SMC1B: variants seen among roughly 807,000 people sequenced by gnomAD.
SMC1B encodes structural maintenance of chromosomes protein 1B.
In SMC1B, 60 loss-of-function variants were observed where a neutral mutation model predicts 157.9. That is an observed-to-expected ratio of 0.38 (90% CI 0.31 to 0.47). The LOEUF (loss-of-function observed/expected upper bound fraction) is 0.47, where lower values mean the gene tolerates loss of function less well. Among genes scored for constraint, SMC1B ranks in the 20% least tolerant of loss-of-function variants. SMC1B has a pLI of 0.99. For synonymous variants in SMC1B, 445 were observed against 483.0 expected (o/e 0.92, Z 1.03); for missense variants, 1,165 against 1,426.2 (o/e 0.82, Z 2.95).
At chr22:45,376,228 C>G (rs2086882302) in intron 12 of SMC1B, among the ~76,000 whole-genome samples, 1 of 152,174 alleles carries the variant, frequency 6.6e-6, no homozygotes, top group East Asian at 1.9e-4. Flanking sequence ...CTCATTCTCT[C>G]CCCTTCTACA....
Position 45,399,192 on chromosome 22 carries a change from T to C in SMC1B, c.1016A>G (p.Glu339Gly), listed in dbSNP as rs749902282. The change falls in exon 6 of 25, where the codon GAG becomes GGG. Residue 339 changes from glutamate to glycine, a missense_variant. Physicochemically the swap from Glu to Gly is moderately conservative, Grantham distance 98. Coordinates refer to ENST00000357450, the MANE Select transcript of SMC1B (RefSeq NM_148674.5). ...QEDDIKALET[E>G]LADLDAAWRS... ...CCATGCAGCATCTAAATCAGCCAGC[T>C]CTGTCTCCAGGGCTTTTATATCATC... is the stretch of plus-strand genomic sequence containing the variant. The C allele has an allele frequency of 1.9e-6, 3 of 1,614,010 alleles. No individual in the cohort carries two copies. The highest frequency in any genetic ancestry group is 2.2e-5 in the South Asian group (2 of 91,076).
rs182518186 is a variant in SMC1B, at chr22:45,390,455, C to T, written c.1546-558G>A. 3.0e-3 allele frequency among the ~76,000 whole-genome samples: 457 copies of T among 151,830 alleles called. 2 individuals are homozygous for T. The highest frequency in any genetic ancestry group is 4.9e-3 in the Non-Finnish European group (334 of 67,932). On this transcript the variant is annotated intron_variant, in intron 9 of 24. Coordinates refer to ENST00000357450, the MANE Select transcript of SMC1B (RefSeq NM_148674.5). ...GGGCGTGGTGGCTCACGCCTGTAAT[C>T]CCAGCATTTTGGGAGGCCGAGGCGG...
At chr22:45,404,643 T>C (rs1417435973) in intron 4 of SMC1B, among the ~76,000 whole-genome samples, 1 of 152,260 alleles carries the variant, frequency 6.6e-6, no homozygotes, top group Non-Finnish European at 1.5e-5. Context: ...TAGCTAAAAC[T>C]CTTTCAATCA....
chr22:45,375,282 C>T (rs967975259), intron 12 of SMC1B, among the ~76,000 whole-genome samples: 2 of 152,158 alleles, frequency 1.3e-5, no homozygotes, highest in Non-Finnish European at 2.9e-5. Flanking sequence ...GTTGTCTTGC[C>T]TTTTCCAGAG....
intron 5 of SMC1B, among the ~76,000 whole-genome samples, chr22:45,399,746 T>C (rs1360380048): frequency 6.6e-6 from 1 of 152,016 alleles, no homozygotes; most frequent in Non-Finnish European, 1.5e-5. Context: ...ACTGAAGGGG[T>C]GGAAGGAAAA....
At chr22:45,384,556 C>T (rs1419470982) in intron 11 of SMC1B, among the ~76,000 whole-genome samples, 2 of 151,860 alleles carry the variant, frequency 1.3e-5, no homozygotes, top group African/African-American at 2.4e-5. Flanking sequence ...CTCATCTCTA[C>T]TGAAAATAAA....
Position 45,344,642 on chromosome 22 carries a change from A to C in SMC1B, c.3622T>G (p.Phe1208Val). 1.2e-6 allele frequency: 2 copies of C among 1,613,692 alleles called. No homozygotes were observed. The highest frequency in any genetic ancestry group is 1.7e-6 in the Non-Finnish European group (2 of 1,179,568). Residue 1208 changes from phenylalanine (F) to valine (V), a missense_variant, in exon 25 of 25, where the codon TTC (phenylalanine) becomes GTC (valine). Transcript: ENST00000357450. ...GIYPEYDDCM[F>V]SRVLTLDLSQ... ...AGATCTAGGGTCAAAACTCGGCTGA[A>C]CATGCAGTCATCGTACTAAAATGGA...
chr22:45,406,707 T>C (rs1237445301), intron 3 of SMC1B, 44 bp from the exon 4 acceptor site: 2 of 1,584,540 alleles, frequency 1.3e-6, no homozygotes, highest in Non-Finnish European at 1.7e-6. Flanking sequence ...AATATAGTGA[T>C]GTATTTTCAA....
intron 5 of SMC1B, among the ~76,000 whole-genome samples, chr22:45,399,804 C>T (rs927034039): frequency 1.3e-5 from 2 of 152,078 alleles, no homozygotes; most frequent in African/African-American, 4.8e-5. Flanking sequence ...AGACTAAAAG[C>T]AAAAGAATTG....
chr22:45,407,442 T>C (rs1045375421), intron 2 of SMC1B, among the ~76,000 whole-genome samples: 2 of 152,148 alleles, frequency 1.3e-5, no homozygotes, highest in African/African-American at 4.8e-5. Flanking sequence ...GTATATCTGA[T>C]TGTCTCCTCT....
At chr22:45,399,587 T>C (rs1415003152) in intron 5 of SMC1B, among the ~76,000 whole-genome samples, 2 of 152,144 alleles carry the variant, frequency 1.3e-5, no homozygotes, top group East Asian at 1.9e-4. Context: ...CACTATGAAT[T>C]TGCCAAAACC....
intron 1 of SMC1B, among the ~76,000 whole-genome samples, chr22:45,412,112 TA>T (rs1253477877): frequency 4.6e-5 from 7 of 152,310 alleles, no homozygotes; most frequent in Admixed American, 2.0e-4. Context: ...ACTCCTGACC[TA>T]AGGTGATCCG....
intron 5 of SMC1B, among the ~76,000 whole-genome samples, chr22:45,400,732 A>G (rs1437163574): frequency 6.6e-6 from 1 of 152,228 alleles, no homozygotes; most frequent in Non-Finnish European, 1.5e-5. Flanking sequence ...CAGTCAGGTG[A>G]TCAAGGTCAA....
chr22:45,413,386 C>T, intron 1 of SMC1B, 73 bp downstream of exon 1: 3 of 1,243,152 alleles, frequency 2.4e-6, no homozygotes, highest in South Asian at 2.7e-5. Flanking sequence ...CGCCCACACC[C>T]CACAGGCCAC....
intron 1 of SMC1B, 77 bp from the exon 2 acceptor site, chr22:45,408,975 A>G: frequency 1.1e-6 from 1 of 876,610 alleles, no homozygotes; most frequent in African/African-American, 1.7e-5. Flanking sequence ...AAATCAGGCC[A>G]CCAATCGAAG....
chr22:45,355,952 C>T (rs1451412966), intron 19 of SMC1B, among the ~76,000 whole-genome samples: 3 of 152,202 alleles, frequency 2.0e-5, no homozygotes, highest in Non-Finnish European at 4.4e-5. Flanking sequence ...TGCCTGTAGT[C>T]CCAGCTACTT....
chr22:45,355,159 T>C, intron 19 of SMC1B, 44 bp from the exon 20 acceptor site: 1 of 1,608,510 alleles, frequency 6.2e-7, no homozygotes. Context: ...GGCATGTCTT[T>C]TACATCCAGC....
chr22:45,383,485 C>G lies in SMC1B; in HGVS notation c.2040G>C (p.Gln680His). 1 of 1,596,344 alleles carries G rather than the reference C, an allele frequency of 6.3e-7. No individual in the cohort carries two copies. ...ELKNLRDRRS[Q>H]KIQELKGLMK... ...GATTTACCTTTAGCTCTTGGATTTT[C>G]TGGCTTCGTCTGTCTCTTAGATTCT... is the stretch of plus-strand genomic sequence containing the variant. The change falls in exon 12 of 25, where the codon CAG becomes CAC. Residue 680 changes from glutamine (Q) to histidine (H), a missense_variant. Coordinates refer to ENST00000357450, the MANE Select transcript of SMC1B (RefSeq NM_148674.5).
chr22:45,404,472 CAACT>C (rs1349085069), intron 4 of SMC1B, among the ~76,000 whole-genome samples: 2 of 152,148 alleles, frequency 1.3e-5, no homozygotes, highest in Admixed American at 6.5e-5. Context: ...AGGAGACAAC[CAACT>C]AAGAGTCCCA....
Sources: gnomAD v4.1 joint callset for allele counts (sites outside exome capture counted in the v4.1 genomes callset) on GRCh38, gnomAD v4.1.1 for gene constraint, MANE v1.5 for transcripts, NCBI Gene and HGNC (gene_info 2026-07-23, HGNC 2026-07-21) for gene names.